Variants in RBBP7 observed in about 807,000 individuals in gnomAD.
RBBP7 encodes the protein RB binding protein 7, chromatin remodeling factor, also known as histone-binding protein RBBP7.
RBBP7 carries 5 observed loss-of-function variants against 35.2 expected under a neutral mutation model. The observed-to-expected ratio is 0.14, with a 90% CI of 0.07 to 0.30. The LOEUF is 0.30. Among genes scored for constraint, RBBP7 ranks in the 10% least tolerant of loss-of-function variants. The pLI is 1.00. For synonymous variants in RBBP7, 140 were observed against 118.7 expected (o/e 1.18, Z -1.17); for missense variants, 155 against 327.5 (o/e 0.47, Z 4.07).
At position 16,862,962 on chromosome X, in the gene RBBP7, G is replaced by A. The variant is rs1569062760; in HGVS notation, c.300C>T (p.Asp100=). The part of the protein sequence containing the change: ...AQFDASHCDS[D]KGEFGGFGSV... ...AATATATGATATACCTACCACCCTT[G>A]TCACTGTCACAATGGGAAGCATCAA... The change falls in exon 3 of 12, where the codon GAC becomes GAT. Residue 100 remains aspartate (D), a synonymous_variant. Transcript: ENST00000380087. 7.4e-6 allele frequency: 9 copies of A among 1,210,497 alleles called. No individual in the cohort carries two copies. The highest frequency in any genetic ancestry group is 6.7e-6 in the Non-Finnish European group (6 of 894,734).
intron 2 of RBBP7, among the ~76,000 whole-genome samples, chrX:16,863,976 C>T (rs1054084495): frequency 9.0e-6 from 1 of 110,672 alleles, no homozygotes; most frequent in African/African-American, 3.3e-5. Context: ...TAACACAAGA[C>T]AAGTTAGGCC....
At chrX:16,858,127 C>A (rs955476872) in intron 4 of RBBP7, among the ~76,000 whole-genome samples, 1 of 111,189 alleles carries the variant, frequency 9.0e-6, no homozygotes, top group Non-Finnish European at 1.9e-5. Flanking sequence ...GTTTTGTAAG[C>A]CCAGAGCAGT....
chrX:16,870,356 G>GA lies in RBBP7; in HGVS notation c.-304dup, dbSNP rs1035966284. 10 of 152,978 alleles carry GA rather than the reference G, an allele frequency of 6.5e-5. No individual in the cohort carries two copies. The East Asian group carries it at 8.5e-4, about 13-fold the overall frequency. 12.6% of individuals were successfully genotyped at this position (152,978 alleles called of 1,213,427 possible). ...CTGAGCGCAGGCGCATCCGCCCTGGGAAAAGTGAGAGGAGGCGGAGAGGCG... is the reference window on the plus strand; with the variant it reads ...CTGAGCGCAGGCGCATCCGCCCTGGGAAAAAGTGAGAGGAGGCGGAGAGGCG... On this transcript the variant is annotated 5_prime_UTR_variant, in exon 1 of 12. Coordinates refer to ENST00000380087, the MANE Select transcript of RBBP7 (RefSeq NM_002893.4).
intron 2 of RBBP7, among the ~76,000 whole-genome samples, chrX:16,868,073 A>G (rs1165651821): frequency 9.0e-6 from 1 of 111,724 alleles, no homozygotes; most frequent in Non-Finnish European, 1.9e-5. Flanking sequence ...ATATGTCCGC[A>G]ACACCCAAAT....
At chrX:16,856,606 A>C (rs953201333) in intron 5 of RBBP7, among the ~76,000 whole-genome samples, 2 of 111,404 alleles carry the variant, frequency 1.8e-5, no homozygotes, top group African/African-American at 3.3e-5. Context: ...AACAAACAAA[A>C]AAAAACCCAG....
chrX:16,869,746 G>T (rs1361614617), intron 1 of RBBP7: 4 of 971,631 alleles, frequency 4.1e-6, no homozygotes, highest in Non-Finnish European at 5.2e-6. Context: ...CCAGCGGCGG[G>T]GGCCGCCTCC....
intron 1 of RBBP7, chrX:16,869,547 G>A (rs1272975994): frequency 8.6e-7 from 1 of 1,165,125 alleles, no homozygotes; most frequent in African/African-American, 1.8e-5. Flanking sequence ...CAGTCGGGAA[G>A]ACAAATGCAC....
chrX:16,869,929 G>T (rs1410134918), intron 1 of RBBP7, 109 bp downstream of exon 1: 1 of 752,841 alleles, frequency 1.3e-6, no homozygotes, highest in Non-Finnish European at 1.6e-6. Context: ...GCCCGGCCCC[G>T]CCCCCTGCTC....
intron 5 of RBBP7, among the ~76,000 whole-genome samples, chrX:16,855,238 G>C (rs981477626): frequency 9.0e-5 from 10 of 111,140 alleles, no homozygotes; most frequent in Non-Finnish European, 1.5e-4. Context: ...TTTTAGTAGA[G>C]ACGGAGTTTC....
chrX:16,867,086 C>CA (rs1219291509), intron 2 of RBBP7, among the ~76,000 whole-genome samples: 1 of 112,093 alleles, frequency 8.9e-6, no homozygotes, highest in Non-Finnish European at 1.9e-5. Flanking sequence ...TCAATCCTGA[C>CA]AAATTATTTC....
intron 1 of RBBP7, 31 bp from the exon 2 acceptor site, chrX:16,869,251 G>C (rs777851713): frequency 4.2e-6 from 5 of 1,196,208 alleles, no homozygotes; most frequent in Non-Finnish European, 5.6e-6. Flanking sequence ...ACACGATTAA[G>C]TGGCTGAGAT....
intron 11 of RBBP7, 34 bp downstream of exon 11, chrX:16,845,794 A>G: frequency 8.4e-7 from 1 of 1,191,857 alleles, no homozygotes. Context: ...TCTCCTTTAC[A>G]AGACAGTCAT....
intron 2 of RBBP7, among the ~76,000 whole-genome samples, chrX:16,864,526 C>CAAAAAAAAAAAAAAAAAA (rs61357554): frequency 3.8e-5 from 1 of 26,241 alleles, no homozygotes; most frequent in African/African-American, 1.7e-4. Context: ...ACTCCGTCTC[C>CAAAAAAAAAAAAAAAAAA]AAAAAAAAAA....
chrX:16,852,660 T>C, intron 7 of RBBP7, 32 bp from the exon 8 acceptor site: 1 of 1,208,599 alleles, frequency 8.3e-7, no homozygotes, highest in Non-Finnish European at 1.1e-6. Context: ...AAATGATTTC[T>C]ATGCTTTACC....
At chrX:16,852,914 GAC>G (rs1930245349) in intron 6 of RBBP7, 39 bp from the exon 7 acceptor site, 1 of 1,206,336 alleles carries the variant, frequency 8.3e-7, no homozygotes. Context: ...ACCCAGGGAT[GAC>G]ACACTCACAT....
chrX:16,850,208 T>C (rs890800680), intron 9 of RBBP7, among the ~76,000 whole-genome samples: 1 of 112,604 alleles, frequency 8.9e-6, no homozygotes, highest in Non-Finnish European at 1.9e-5. Context: ...TCTAATGTAA[T>C]TTTACAATTT....
chrX:16,855,241 G>A (rs1035692362), intron 5 of RBBP7, among the ~76,000 whole-genome samples: 1 of 111,077 alleles, frequency 9.0e-6, no homozygotes, highest in African/African-American at 3.3e-5. Flanking sequence ...TAGTAGAGAC[G>A]GAGTTTCACC....
At chrX:16,855,995 CAA>C (rs754398259) in intron 5 of RBBP7, among the ~76,000 whole-genome samples, 181 of 15,949 alleles carry the variant, frequency 0.011, no homozygotes, top group African/African-American at 0.029. Context: ...GACCTTGTCT[CAA>C]AAAAAAAAAA....
intron 4 of RBBP7, 101 bp downstream of exon 4, chrX:16,858,575 A>G: frequency 1.8e-6 from 2 of 1,087,866 alleles, no homozygotes; most frequent in Non-Finnish European, 1.2e-6. Flanking sequence ...CAATTTTTAA[A>G]CCTTTAAATA....
Sources: allele counts gnomAD v4.1 joint callset (sites outside exome capture counted in the v4.1 genomes callset), GRCh38; gene constraint gnomAD v4.1.1; transcripts MANE v1.5; gene names NCBI Gene and HGNC (gene_info 2026-07-23, HGNC 2026-07-21).